The following LHFPL1 variants were observed in gnomAD, a reference collection of about 807,000 sequenced individuals.
The protein encoded by LHFPL1 is LHFPL tetraspan subfamily member 1.
In LHFPL1, 4 loss-of-function variants were observed where a neutral mutation model predicts 12.1. The ratio of observed to expected loss-of-function variants is 0.33; its 90% CI spans 0.16 to 0.76. LHFPL1 has a LOEUF of 0.76. Ranked by LOEUF, LHFPL1 falls within the 30% of genes least tolerant of loss-of-function variation. LHFPL1 has a pLI of 0.61. For synonymous variants in LHFPL1, 52 were observed against 61.9 expected (o/e 0.84, Z 0.75); for missense variants, 141 against 174.1 (o/e 0.81, Z 1.07).
Position 112,654,587 on chromosome X carries a change from GTTTATATTTATTA to G in LHFPL1, c.481+6027_481+6039del, listed in dbSNP as rs1038914038. ...TATTAAAAATTATATTTATATTTAT[GTTTATATTTATTA>G]TTTATATTTATTAAAAATTCTGGAG... On this transcript the variant is annotated intron_variant, in intron 3 of 3. Coordinates refer to ENST00000371968, the MANE Select transcript of LHFPL1 (RefSeq NM_178175.4). 1.8e-3 allele frequency among the ~76,000 whole-genome samples: 200 copies of G among 109,184 alleles called. 2 individuals carry two copies. The highest frequency in any genetic ancestry group is 6.2e-3 in the African/African-American group (188 of 30,408). 94.8% of individuals were successfully genotyped at this position (109,184 alleles called of 115,157 possible). A position where few individuals can be genotyped will look rare whatever the true frequency, so the allele number is the denominator to read the frequency against.
intron 2 of LHFPL1, among the ~76,000 whole-genome samples, chrX:112,663,741 C>T (rs1312810765): frequency 8.9e-6 from 1 of 111,806 alleles, no homozygotes; most frequent in Non-Finnish European, 1.9e-5. Flanking sequence ...GCAACAATAT[C>T]TCTAGCAAGG....
chrX:112,665,356 A>G (rs1395367938), intron 2 of LHFPL1, among the ~76,000 whole-genome samples: 1 of 110,477 alleles, frequency 9.1e-6, no homozygotes, highest in Non-Finnish European at 1.9e-5. Flanking sequence ...ACACCTGACT[A>G]ATGTTTGTAT....
chrX:112,659,267 G>A (rs1451444297), intron 3 of LHFPL1, among the ~76,000 whole-genome samples: 1 of 111,004 alleles, frequency 9.0e-6, no homozygotes, highest in Admixed American at 9.6e-5. Flanking sequence ...GAACCATGGC[G>A]GAAACCCCTC....
intron 1 of LHFPL1, among the ~76,000 whole-genome samples, chrX:112,679,380 T>G (rs1473484356): frequency 8.9e-6 from 1 of 112,005 alleles, no homozygotes; most frequent in African/African-American, 3.3e-5. Context: ...TTTAACTTCA[T>G]TACCCCATTT....
intron 3 of LHFPL1, among the ~76,000 whole-genome samples, chrX:112,646,456 C>A (rs1337207289): frequency 1.8e-5 from 2 of 109,029 alleles, no homozygotes; most frequent in Non-Finnish European, 3.8e-5. Flanking sequence ...TCCTCCCTAT[C>A]CCCCAAACAC....
chrX:112,635,937 GC>G (rs1160570181), intron 3 of LHFPL1, among the ~76,000 whole-genome samples: 7 of 111,766 alleles, frequency 6.3e-5, no homozygotes. Flanking sequence ...TTTCCTACAA[GC>G]AGTGTGAAAC....
At chrX:112,664,395 A>C (rs996021919) in intron 2 of LHFPL1, among the ~76,000 whole-genome samples, 22 of 112,074 alleles carry the variant, frequency 2.0e-4, no homozygotes, top group African/African-American at 7.1e-4. Context: ...TCATCTCTTT[A>C]ACCTCATAAC....
intron 3 of LHFPL1, among the ~76,000 whole-genome samples, chrX:112,651,925 A>C (rs1041468399): frequency 2.7e-5 from 3 of 112,738 alleles, no homozygotes; most frequent in Non-Finnish European, 5.6e-5. Context: ...ACTAATGCCT[A>C]CGTCTCTGAG....
At chrX:112,642,136 C>T (rs897191733) in intron 3 of LHFPL1, among the ~76,000 whole-genome samples, 2 of 107,943 alleles carry the variant, frequency 1.9e-5, no homozygotes, top group Non-Finnish European at 3.8e-5. Flanking sequence ...AGTTTTCCTC[C>T]TGGTTCCTGC....
At chrX:112,649,668 C>T (rs937323548) in intron 3 of LHFPL1, among the ~76,000 whole-genome samples, 1 of 111,885 alleles carries the variant, frequency 8.9e-6, no homozygotes, top group Non-Finnish European at 1.9e-5. Context: ...ACTTGAATGA[C>T]AGTTTTTCTG....
At chrX:112,656,330 A>G (rs141425174) in intron 3 of LHFPL1, among the ~76,000 whole-genome samples, 2,197 of 111,504 alleles carry the variant, frequency 0.02, 28 homozygotes, top group Non-Finnish European at 0.03. Context: ...TTGTGAACAC[A>G]ATCAGCAAAC....
At chrX:112,639,601 G>A (rs1258649238) in intron 3 of LHFPL1, among the ~76,000 whole-genome samples, 6 of 111,936 alleles carry the variant, frequency 5.4e-5, no homozygotes, top group Admixed American at 9.4e-5. Flanking sequence ...CACTTCTGCC[G>A]AACAAATTGA....
intron 3 of LHFPL1, among the ~76,000 whole-genome samples, chrX:112,634,340 T>C (rs1024156921): frequency 9.0e-6 from 1 of 111,315 alleles, no homozygotes; most frequent in African/African-American, 3.3e-5. Context: ...TAGACTCACC[T>C]GAGCTTCTCT....
At chrX:112,670,669 C>G (rs1931470616) in intron 2 of LHFPL1, among the ~76,000 whole-genome samples, 1 of 112,195 alleles carries the variant, frequency 8.9e-6, no homozygotes, top group Admixed American at 9.4e-5. Flanking sequence ...TATGTTGGAG[C>G]AGTAATACTA....
Position 112,640,898 on chromosome X carries a change from C to A in LHFPL1, c.482-9297G>T, listed in dbSNP as rs1464108793. Among the ~76,000 whole-genome samples, 52 of 110,973 alleles carry A rather than the reference C, an allele frequency of 4.7e-4. No homozygotes were observed. In the Admixed American group the frequency reaches 4.9e-3, roughly 10 times the overall value. On this transcript the variant is annotated intron_variant, in intron 3 of 3. Coordinates refer to ENST00000371968, the MANE Select transcript of LHFPL1 (RefSeq NM_178175.4). ...TTGTTGAAGACTATATCCTTAAATT[C>A]TTTGTAGTTTTTACAATGCCTTATT... is the stretch of plus-strand genomic sequence containing the variant.
intron 1 of LHFPL1, among the ~76,000 whole-genome samples, chrX:112,672,076 C>T (rs1263296456): frequency 8.9e-6 from 1 of 111,825 alleles, no homozygotes; most frequent in African/African-American, 3.3e-5. Context: ...TGTCTAGTCT[C>T]ATACCCTATA....
intron 3 of LHFPL1, among the ~76,000 whole-genome samples, chrX:112,647,071 T>C (rs1381776708): frequency 8.9e-6 from 1 of 111,969 alleles, no homozygotes; most frequent in East Asian, 2.8e-4. Flanking sequence ...GGTCTTATTA[T>C]ATTGTGTTCA....
At position 112,660,640 on chromosome X, in the gene LHFPL1, A is replaced by T. The variant is rs774406636; in HGVS notation, c.468T>A (p.Asn156Lys). 2.3e-5 allele frequency: 28 copies of T among 1,206,803 alleles called. No homozygotes were observed. The highest frequency in any genetic ancestry group is 3.0e-5 in the Non-Finnish European group (27 of 892,186). ...AGGCCACCTTACCTAACTGAAATTG[A>T]TTGGAGACATTCCCACATGTTTGCA... ...EIMQTCGNVS[N>K]QFQLGTCRLG... The change falls in exon 3 of 4, where the codon AAT becomes AAA. Residue 156 changes from asparagine (N) to lysine (K), a missense_variant. Transcript: ENST00000371968.
In LHFPL1 at chrX:112,671,006, T is replaced by C; in HGVS notation, c.382+3A>G. 1 of 1,204,545 alleles carries C rather than the reference T, an allele frequency of 8.3e-7. No individual in the cohort carries two copies. Among genetic ancestry groups the C allele is most frequent in the Non-Finnish European group, 1.1e-6 (1 of 890,672 alleles). On this transcript the variant is annotated splice_donor_region_variant and intron_variant, in intron 2 of 3. Transcript: ENST00000371968. ...CTACCCAATCCCAGAAGCACAGTCTTACCTCCAACAAACTGCGCTGCTCCC... is the reference window on the plus strand; with the variant it reads ...CTACCCAATCCCAGAAGCACAGTCTCACCTCCAACAAACTGCGCTGCTCCC...
Sources: gnomAD v4.1 joint callset for allele counts (sites outside exome capture counted in the v4.1 genomes callset) on GRCh38, gnomAD v4.1.1 for gene constraint, MANE v1.5 for transcripts, NCBI Gene and HGNC (gene_info 2026-07-23, HGNC 2026-07-21) for gene names.